SORCS1: variants seen among roughly 807,000 people sequenced by gnomAD.
SORCS1 encodes the protein sortilin related VPS10 domain containing receptor 1.
Under a neutral mutation model 146.1 loss-of-function variants are expected in SORCS1, and 60 were observed. The ratio of observed to expected loss-of-function variants is 0.41; its 90% CI spans 0.33 to 0.51. The LOEUF (loss-of-function observed/expected upper bound fraction) is 0.51. Among genes scored for constraint, SORCS1 ranks in the 20% least tolerant of loss-of-function variants. The pLI is 0.21. For missense variants in SORCS1, 1,352 were observed against 1,487.6 expected (o/e 0.91, Z 1.50); for synonymous variants, 637 against 584.0 (o/e 1.09, Z -1.31).
At chr10:107,100,671 C>G (rs1386324046) in intron 1 of SORCS1, among the ~76,000 whole-genome samples, 2 of 152,024 alleles carry the variant, frequency 1.3e-5, no homozygotes, top group African/African-American at 4.8e-5. Flanking sequence ...GAGGCAGCAC[C>G]AGTTCTAAGC....
chr10:106,683,113 A>G (rs117773590), intron 10 of SORCS1, among the ~76,000 whole-genome samples: 12 of 152,302 alleles, frequency 7.9e-5, no homozygotes, highest in Non-Finnish European at 1.3e-4. Context: ...TTTTCACTTA[A>G]TTTCAGGGAG....
chr10:106,880,242 T>C (rs906619629), intron 2 of SORCS1, among the ~76,000 whole-genome samples: 1 of 152,182 alleles, frequency 6.6e-6, no homozygotes, highest in Non-Finnish European at 1.5e-5. Flanking sequence ...TCCTTCCTGA[T>C]AGTCAAAGGT....
At chr10:106,833,794 T>C (rs1019736386) in intron 2 of SORCS1, among the ~76,000 whole-genome samples, 35 of 151,908 alleles carry the variant, frequency 2.3e-4, no homozygotes, top group African/African-American at 8.0e-4. Flanking sequence ...TTATTATTAT[T>C]ATTATTATTA....
chr10:106,679,174 A>T, intron 12 of SORCS1, 82 bp downstream of exon 12: 1 of 1,056,780 alleles, frequency 9.5e-7, no homozygotes, highest in Non-Finnish European at 1.4e-6. Flanking sequence ...GCACCGCTGA[A>T]AAAAGTTCCC....
At chr10:106,696,966 G>T (rs1853750272) in intron 9 of SORCS1, among the ~76,000 whole-genome samples, 2 of 152,164 alleles carry the variant, frequency 1.3e-5, no homozygotes, top group African/African-American at 4.8e-5. Flanking sequence ...GGAGACTAAG[G>T]ATAGAACGAG....
At chr10:106,820,540 G>T (rs893933212) in intron 3 of SORCS1, among the ~76,000 whole-genome samples, 3 of 152,168 alleles carry the variant, frequency 2.0e-5, no homozygotes, top group Admixed American at 1.3e-4. Flanking sequence ...GAGGCTGGTG[G>T]TGCACTCTTA....
At chr10:106,904,726 T>A (rs1951842724) in intron 2 of SORCS1, among the ~76,000 whole-genome samples, 1 of 152,208 alleles carries the variant, frequency 6.6e-6, no homozygotes, top group African/African-American at 2.4e-5. Context: ...ATCCCACAAA[T>A]GGATCCAACT....
chr10:106,806,982 A>G (rs968967730), intron 3 of SORCS1, among the ~76,000 whole-genome samples: 7 of 152,146 alleles, frequency 4.6e-5, no homozygotes, highest in African/African-American at 1.4e-4. Context: ...CAATATCAAT[A>G]AAGGCATGGG....
At chr10:106,838,919 T>A (rs923581537) in intron 2 of SORCS1, among the ~76,000 whole-genome samples, 3 of 152,210 alleles carry the variant, frequency 2.0e-5, no homozygotes, top group African/African-American at 7.2e-5. Flanking sequence ...ATAATCATTT[T>A]GGGGTGCCCT....
chr10:106,825,684 T>G (rs1412937724), intron 3 of SORCS1, among the ~76,000 whole-genome samples: 1 of 152,134 alleles, frequency 6.6e-6, no homozygotes, highest in Non-Finnish European at 1.5e-5. Flanking sequence ...GCAGACTTTA[T>G]GTGACCAATA....
intron 4 of SORCS1, among the ~76,000 whole-genome samples, chr10:106,763,296 T>C (rs1859292705): frequency 6.6e-6 from 1 of 152,146 alleles, no homozygotes; most frequent in Non-Finnish European, 1.5e-5. Context: ...GCGCCAGCGT[T>C]TGTGGTTCTT....
chr10:107,087,987 C>CGGCTCACGGCAAGCTCCGCCTCCCG (rs1963886269), intron 1 of SORCS1, among the ~76,000 whole-genome samples: 1 of 152,162 alleles, frequency 6.6e-6, no homozygotes, highest in Non-Finnish European at 1.5e-5. Context: ...GGCGTGATCT[C>CGGCTCACGGCAAGCTCCGCCTCCCG]GGCTCACGGC....
At chr10:107,161,723 C>T (rs907849174) in intron 1 of SORCS1, among the ~76,000 whole-genome samples, 3 of 152,132 alleles carry the variant, frequency 2.0e-5, no homozygotes, top group Non-Finnish European at 4.4e-5. Context: ...CTTTCTTTCC[C>T]TTTAAAAAAT....
chr10:106,744,384 C>T (rs1857571045), intron 5 of SORCS1, among the ~76,000 whole-genome samples: 2 of 152,098 alleles, frequency 1.3e-5, no homozygotes, highest in Admixed American at 1.3e-4. Context: ...GTATTTCAGG[C>T]TTGAGCCACC....
intron 5 of SORCS1, among the ~76,000 whole-genome samples, chr10:106,739,930 G>A (rs576383818): frequency 6.9e-5 from 10 of 144,834 alleles, no homozygotes; most frequent in African/African-American, 2.3e-4. Context: ...CAGCCTGGGC[G>A]ACAGAGTGAG....
intron 10 of SORCS1, among the ~76,000 whole-genome samples, chr10:106,680,642 A>T (rs917615680): frequency 6.6e-6 from 1 of 152,228 alleles, no homozygotes; most frequent in Non-Finnish European, 1.5e-5. Flanking sequence ...AAAAAAGGAT[A>T]ATAAATCTTA....
chr10:106,778,468 A>G (rs1860635108), intron 3 of SORCS1, among the ~76,000 whole-genome samples: 1 of 152,148 alleles, frequency 6.6e-6, no homozygotes, highest in Non-Finnish European at 1.5e-5. Flanking sequence ...AGGAGCCATC[A>G]GGTAATCTAC....
intron 2 of SORCS1, among the ~76,000 whole-genome samples, chr10:106,926,654 T>C (rs964503475): frequency 7.2e-5 from 11 of 151,796 alleles, no homozygotes; most frequent in African/African-American, 9.7e-5. Flanking sequence ...CAAACTAGAG[T>C]ATAAAGTCTC....
Position 106,678,600 on chromosome 10 carries a change from A to T in SORCS1, c.1740+656T>A, listed in dbSNP as rs147790522. Among the ~76,000 whole-genome samples, 7 of 152,344 alleles carry T rather than the reference A, an allele frequency of 4.6e-5. No homozygotes were observed. In the East Asian group the frequency reaches 1.4e-3, roughly 29 times the overall value. ...ATTGATTGAAGTATAACAACCAAGC[A>T]TTAGGTGCATATCTTGTTAAGATTG... On this transcript the variant is annotated intron_variant, in intron 12 of 25. Coordinates refer to ENST00000263054, the MANE Select transcript of SORCS1 (RefSeq NM_052918.5).
Sources: allele counts gnomAD v4.1 joint callset (sites outside exome capture counted in the v4.1 genomes callset), GRCh38; gene constraint gnomAD v4.1.1; transcripts MANE v1.5; gene names NCBI Gene and HGNC (gene_info 2026-07-23, HGNC 2026-07-21).